Variants in ADAMTS17 observed in about 807,000 individuals in gnomAD.
ADAMTS17 encodes ADAM metallopeptidase with thrombospondin type 1 motif 17.
Under a neutral mutation model 141.5 loss-of-function variants are expected in ADAMTS17, and 113 were observed. The ratio of observed to expected loss-of-function variants is 0.80; its 90% CI spans 0.69 to 0.93. The LOEUF (loss-of-function observed/expected upper bound fraction) is 0.93, where lower values mean the gene tolerates loss of function less well. Among genes scored for constraint, ADAMTS17 ranks in the 40% least tolerant of loss-of-function variants. The pLI, the probability that ADAMTS17 is intolerant of heterozygous loss-of-function variation, is 0.00. For missense variants in ADAMTS17, 1,659 were observed against 1,517.9 expected (o/e 1.09, Z -1.54); for synonymous variants, 768 against 630.6 (o/e 1.22, Z -3.27).
At chr15:100,246,456 T>A (rs1181768417) in intron 7 of ADAMTS17, among the ~76,000 whole-genome samples, 2 of 152,174 alleles carry the variant, frequency 1.3e-5, no homozygotes, top group African/African-American at 4.8e-5. Flanking sequence ...GTCAAAAGCA[T>A]AATTATAAAT....
At chr15:100,131,601 G>C (rs1051601265) in intron 12 of ADAMTS17, among the ~76,000 whole-genome samples, 1 of 152,134 alleles carries the variant, frequency 6.6e-6, no homozygotes, top group African/African-American at 2.4e-5. Flanking sequence ...ATTAGGATGA[G>C]GAAGACAGCT....
intron 7 of ADAMTS17, among the ~76,000 whole-genome samples, chr15:100,206,500 A>C (rs988971195): frequency 1.3e-5 from 2 of 152,134 alleles, no homozygotes; most frequent in Admixed American, 6.5e-5. Context: ...TTCGGTCAAT[A>C]ATTTTAAAAT....
rs567519441 is a variant in ADAMTS17 at position 99,972,339 on chromosome 15, C to T, written c.*2063G>A. 3 of 152,278 alleles carry T rather than the reference C, an allele frequency of 2.0e-5. No individual in the cohort carries two copies. Among genetic ancestry groups the T allele is most frequent in the South Asian group, 4.1e-4 (2 of 4,826 alleles). The allele number at this position is 152,278 out of a possible 1,614,324, so 9.4% of individuals were successfully genotyped here. On this transcript the variant is annotated 3_prime_UTR_variant, in exon 22 of 22. Coordinates refer to ENST00000268070, the MANE Select transcript of ADAMTS17 (RefSeq NM_139057.4). The stretch of plus-strand genomic sequence containing the variant: ...AACTAATGGGGGTATCTGACAATAA[C>T]CCAATCAATCCTTTTCATTCTGAGG...
At chr15:100,301,784 G>C (rs572101524) in intron 3 of ADAMTS17, among the ~76,000 whole-genome samples, 22 of 152,184 alleles carry the variant, frequency 1.4e-4, no homozygotes, top group Non-Finnish European at 2.9e-4. Context: ...TTTTGAATAA[G>C]AATTTAGCAT....
chr15:99,993,839 T>G lies in ADAMTS17; in HGVS notation c.2797-639A>C, dbSNP rs1028698028. ...CGCATGGCCCCTGTGGTAGTTTACT[T>G]ACTTGCAGGAGACCTGGCAAGGGGC... is the stretch of plus-strand genomic sequence containing the variant. On this transcript the variant is annotated intron_variant, in intron 19 of 21. Transcript: ENST00000268070. The surrounding 1 kb of genome is among the most constrained non-coding windows in gnomAD (Gnocchi z 4.3). Among the ~76,000 whole-genome samples, 10 of 152,088 alleles carry G rather than the reference T, an allele frequency of 6.6e-5. No homozygotes were observed. The highest frequency in any genetic ancestry group is 2.4e-4 in the African/African-American group (10 of 41,408).
chr15:100,059,718 C>T (rs1206360688), intron 15 of ADAMTS17, among the ~76,000 whole-genome samples: 1 of 152,178 alleles, frequency 6.6e-6, no homozygotes, highest in Non-Finnish European at 1.5e-5. Flanking sequence ...TGCAGGTCAC[C>T]TCCTGGCCCC....
intron 6 of ADAMTS17, among the ~76,000 whole-genome samples, chr15:100,256,176 C>A (rs1317427538): frequency 6.6e-6 from 1 of 152,192 alleles, no homozygotes; most frequent in Non-Finnish European, 1.5e-5. Context: ...CAGGCAGGGA[C>A]TGTAGGGTTC....
At chr15:100,017,284 T>C (rs2061309918) in intron 18 of ADAMTS17, among the ~76,000 whole-genome samples, 1 of 152,224 alleles carries the variant, frequency 6.6e-6, no homozygotes, top group African/African-American at 2.4e-5. Flanking sequence ...TGCCCCAGGC[T>C]ATCTGCCTCC....
At chr15:100,165,567 C>A (rs533987729) in intron 8 of ADAMTS17, among the ~76,000 whole-genome samples, 2 of 152,260 alleles carry the variant, frequency 1.3e-5, no homozygotes, top group South Asian at 4.2e-4. Flanking sequence ...TGCAGGCAAA[C>A]GGCCTTATGA....
chr15:100,327,903 C>T (rs111413427), intron 3 of ADAMTS17, among the ~76,000 whole-genome samples: 1,806 of 152,290 alleles, frequency 0.012, 40 homozygotes, highest in African/African-American at 0.04. Flanking sequence ...TGGCCTTTGC[C>T]GTGTCAGTCC....
intron 9 of ADAMTS17, 48 bp downstream of exon 9, chr15:100,155,132 G>T (rs1189527358): frequency 1.2e-6 from 2 of 1,613,616 alleles, no homozygotes; most frequent in Non-Finnish European, 1.7e-6. Context: ...TTGTCTTTTG[G>T]AAGTACTTTT....
intron 15 of ADAMTS17, among the ~76,000 whole-genome samples, chr15:100,080,793 G>A (rs957752250): frequency 2.0e-5 from 3 of 152,168 alleles, no homozygotes; most frequent in Admixed American, 6.5e-5. Flanking sequence ...ATATCAGCAT[G>A]TTAAGTATTG....
At position 99,997,216 on chromosome 15, in the gene ADAMTS17, G is replaced by A. The variant is rs112943368; in HGVS notation, c.2796+169C>T. On this transcript the variant is annotated intron_variant, in intron 19 of 21. Transcript: ENST00000268070. The surrounding 1 kb of genome is among the most constrained non-coding windows in gnomAD (Gnocchi z 4.7). ...TCAGAGACATGGTATCTATGTTTCC[G>A]CAGCCAGGCTGTTATCTGAGATGGA... Among the ~76,000 whole-genome samples, 17 of 152,336 alleles carry A rather than the reference G, an allele frequency of 1.1e-4. 2 individuals are homozygous for A. Among genetic ancestry groups the A allele is most frequent in the African/African-American group, 3.4e-4 (14 of 41,578 alleles).
At chr15:99,980,341 C>T (rs2060458863) in intron 20 of ADAMTS17, 1 of 152,200 alleles carries the variant, frequency 6.6e-6, no homozygotes, top group Non-Finnish European at 1.5e-5. Flanking sequence ...AAACTAAAAA[C>T]AGAGAGATAC....
chr15:100,312,273 CAG>C (rs2045430123), intron 3 of ADAMTS17, among the ~76,000 whole-genome samples: 1 of 152,162 alleles, frequency 6.6e-6, no homozygotes, highest in Non-Finnish European at 1.5e-5. Flanking sequence ...AGAGAATTGT[CAG>C]AGTGACGCAG....
At chr15:100,136,159 G>C (rs1596528167) in intron 10 of ADAMTS17, among the ~76,000 whole-genome samples, 1 of 152,222 alleles carries the variant, frequency 6.6e-6, no homozygotes, top group African/African-American at 2.4e-5. Flanking sequence ...TTAGTTCCAT[G>C]TTGGAAACAA....
At chr15:100,148,016 T>G (rs143094284) in intron 10 of ADAMTS17, among the ~76,000 whole-genome samples, 1 of 152,224 alleles carries the variant, frequency 6.6e-6, no homozygotes, top group East Asian at 1.9e-4. Flanking sequence ...TCACTCCGAC[T>G]TCATGCTTCT....
At chr15:99,978,344 T>C (rs2060411043) in intron 20 of ADAMTS17, among the ~76,000 whole-genome samples, 1 of 152,190 alleles carries the variant, frequency 6.6e-6, no homozygotes, top group Non-Finnish European at 1.5e-5. Flanking sequence ...AGAGGGAATG[T>C]TGCTCTAAAG....
At chr15:100,056,023 G>T (rs1205101672) in intron 15 of ADAMTS17, among the ~76,000 whole-genome samples, 1 of 152,174 alleles carries the variant, frequency 6.6e-6, no homozygotes, top group Non-Finnish European at 1.5e-5. Flanking sequence ...TAGATTTTAT[G>T]ACTAATGCTG....
Sources: gnomAD v4.1 joint callset for allele counts (sites outside exome capture counted in the v4.1 genomes callset) on GRCh38, gnomAD v4.1.1 for gene constraint, Gnocchi (gnomAD v3.1) non-coding constraint, MANE v1.5 for transcripts, NCBI Gene and HGNC (gene_info 2026-07-23, HGNC 2026-07-21) for gene names.